Variants in CSMD1 observed in about 807,000 individuals in gnomAD.
The protein encoded by CSMD1 is CUB and Sushi multiple domains 1.
CSMD1 carries 213 observed loss-of-function variants against 417.5 expected under a neutral mutation model. The ratio of observed to expected loss-of-function variants is 0.51; its 90% CI spans 0.46 to 0.57. The LOEUF is 0.57. Among genes scored for constraint, CSMD1 ranks in the 20% least tolerant of loss-of-function variants. CSMD1 has a pLI of 0.00. For synonymous variants in CSMD1, 2,862 were observed against 1,736.8 expected (o/e 1.65, Z -16.11); for missense variants, 6,923 against 4,529.7 (o/e 1.53, Z -15.17).
intron 51 of CSMD1, among the ~76,000 whole-genome samples, chr8:3,019,142 T>A (rs926157977): frequency 1.3e-5 from 2 of 152,196 alleles, no homozygotes; most frequent in African/African-American, 4.8e-5. Context: ...GATCTCAAAC[T>A]CCTGACCTCA....
intron 4 of CSMD1, among the ~76,000 whole-genome samples, chr8:4,022,401 T>G (rs1326923351): frequency 6.6e-6 from 1 of 152,086 alleles, no homozygotes; most frequent in Non-Finnish European, 1.5e-5. Context: ...AGGACATATT[T>G]TCTATGTACA....
intron 3 of CSMD1, among the ~76,000 whole-genome samples, chr8:4,321,468 T>C (rs559617115): frequency 2.0e-4 from 31 of 152,256 alleles, no homozygotes; most frequent in African/African-American, 7.5e-4. Context: ...ACTCTCTTAA[T>C]TCCTCAGTGA....
intron 1 of CSMD1, among the ~76,000 whole-genome samples, chr8:4,915,776 A>C (rs781394498): frequency 3.9e-5 from 6 of 152,258 alleles, no homozygotes; most frequent in Non-Finnish European, 7.3e-5. Context: ...TCAAACTTTT[A>C]GCAGAGACAC....
intron 5 of CSMD1, among the ~76,000 whole-genome samples, chr8:3,785,331 CG>C (rs1422322734): frequency 6.6e-6 from 1 of 151,972 alleles, no homozygotes; most frequent in Non-Finnish European, 1.5e-5. Flanking sequence ...ATAAATGCCC[CG>C]GGCAAGGCCT....
chr8:3,011,700 C>T lies in CSMD1; in HGVS notation c.8029+6777G>A, dbSNP rs143887738. Among the ~76,000 whole-genome samples, 1,502 of 152,288 alleles carry T rather than the reference C, an allele frequency of 9.9e-3. 12 individuals are homozygous for T. Among genetic ancestry groups the T allele is most frequent in the Non-Finnish European group, 0.014 (966 of 68,022 alleles). On this transcript the variant is annotated intron_variant, in intron 52 of 69. Coordinates refer to ENST00000635120, the MANE Select transcript of CSMD1 (RefSeq NM_033225.6). The stretch of plus-strand genomic sequence containing the variant: ...CAAGCTACCACTAATATCTTGAATA[C>T]TAGAGATTGAAGAGGTAACATAGTG...
intron 7 of CSMD1, among the ~76,000 whole-genome samples, chr8:3,705,478 G>A (rs1380422004): frequency 2.6e-5 from 4 of 152,170 alleles, no homozygotes; most frequent in African/African-American, 9.7e-5. Flanking sequence ...ACACTCTACA[G>A]TGAACAGATA....
At chr8:4,803,361 A>G (rs1395935963) in intron 1 of CSMD1, among the ~76,000 whole-genome samples, 1 of 152,208 alleles carries the variant, frequency 6.6e-6, no homozygotes, top group African/African-American at 2.4e-5. Context: ...GGTTTCAGTT[A>G]CTATTAACTA....
In CSMD1 at chr8:3,219,246, T is replaced by C. The variant is rs1798064273; in HGVS notation, c.4672+9A>G. 2 of 1,578,810 alleles carry C rather than the reference T, an allele frequency of 1.3e-6. No homozygotes were observed. Among genetic ancestry groups the C allele is most frequent in the Non-Finnish European group, 1.7e-6 (2 of 1,161,134 alleles). On this transcript the variant is annotated intron_variant, in intron 29 of 69. Transcript: ENST00000635120. ...TTAATTCCCACTCAAATTCAGGCAA[T>C]CGCAATACCTTTAAATTCAATGGCG...
Position 2,973,660 on chromosome 8 carries a change from TGGG to T in CSMD1, c.8741-364_8741-362del, listed in dbSNP as rs66521104. 2.0e-3 allele frequency among the ~76,000 whole-genome samples: 275 copies of T among 134,478 alleles called. 1 individual carries two copies. Among genetic ancestry groups the T allele is most frequent in the African/African-American group, 7.4e-3 (263 of 35,706 alleles). The allele number at this position is 134,478 out of a possible 152,430, so 88.2% of individuals were successfully genotyped here. ...TGGGGCTTTAGGTAAACAGGGAATG[TGGG>T]GAAAAAAAAAAAAAAAGTCAAAGGA... On this transcript the variant is annotated intron_variant, in intron 56 of 69. Coordinates refer to ENST00000635120, the MANE Select transcript of CSMD1 (RefSeq NM_033225.6).
chr8:3,070,571 G>A (rs1813265977), intron 49 of CSMD1, among the ~76,000 whole-genome samples: 1 of 152,150 alleles, frequency 6.6e-6, no homozygotes, highest in South Asian at 2.1e-4. Flanking sequence ...TCTTCACTAA[G>A]GCATAACACA....
intron 41 of CSMD1, among the ~76,000 whole-genome samples, chr8:3,132,086 A>C (rs1404274048): frequency 1.3e-5 from 2 of 152,162 alleles, no homozygotes; most frequent in Non-Finnish European, 2.9e-5. Flanking sequence ...CGTGGCCTCC[A>C]GGTTCTGCTC....
chr8:3,276,758 G>T (rs770967593), intron 26 of CSMD1, among the ~76,000 whole-genome samples: 1 of 152,096 alleles, frequency 6.6e-6, no homozygotes, highest in Non-Finnish European at 1.5e-5. Flanking sequence ...AGATGAAGAG[G>T]TATTCATTAT....
intron 3 of CSMD1, among the ~76,000 whole-genome samples, chr8:4,182,689 A>G (rs1415409607): frequency 1.3e-5 from 2 of 152,178 alleles, no homozygotes; most frequent in Non-Finnish European, 2.9e-5. Context: ...ATGCCCGATT[A>G]ATTTGAAGCT....
At chr8:4,184,475 T>C (rs967677942) in intron 3 of CSMD1, among the ~76,000 whole-genome samples, 1 of 152,140 alleles carries the variant, frequency 6.6e-6, no homozygotes, top group African/African-American at 2.4e-5. Context: ...AGGCCACCAA[T>C]GGCAGACTGG....
intron 3 of CSMD1, among the ~76,000 whole-genome samples, chr8:4,312,690 A>C (rs1169631996): frequency 6.6e-6 from 1 of 151,878 alleles, no homozygotes; most frequent in African/African-American, 2.4e-5. Context: ...CAGCCTGGCC[A>C]ACCTGACGAA....
rs192155319 is a variant in CSMD1 at position 4,601,794 on chromosome 8, A to C, written c.302+35548T>G. Among the ~76,000 whole-genome samples, 5 of 152,276 alleles carry C rather than the reference A, an allele frequency of 3.3e-5. No individual in the cohort carries two copies. The East Asian group carries it at 7.7e-4, about 24-fold the overall frequency. The stretch of plus-strand genomic sequence containing the variant: ...ACTTTGACCAAATGAAAAGTGAGTA[A>C]ACTTGATTTATCCATGTCTGAGCAT... On this transcript the variant is annotated intron_variant, in intron 2 of 69. Coordinates refer to ENST00000635120, the MANE Select transcript of CSMD1 (RefSeq NM_033225.6).
chr8:4,954,198 T>C (rs1208214883), intron 1 of CSMD1, among the ~76,000 whole-genome samples: 1 of 152,214 alleles, frequency 6.6e-6, no homozygotes. Flanking sequence ...AAACACATTA[T>C]GTGTTCCCTA....
intron 5 of CSMD1, among the ~76,000 whole-genome samples, chr8:3,827,895 C>T (rs1454799626): frequency 6.6e-6 from 1 of 152,174 alleles, no homozygotes; most frequent in African/African-American, 2.4e-5. Flanking sequence ...CATGGGCTCA[C>T]TCAAAGGAAA....
intron 3 of CSMD1, among the ~76,000 whole-genome samples, chr8:4,309,931 A>G (rs67626815): frequency 0.63 from 96,288 of 152,068 alleles, 31,473 homozygotes; most frequent in East Asian, 0.86. Context: ...CTCATTAGAA[A>G]CATGATAGTC....
Sources: allele counts gnomAD v4.1 joint callset (sites outside exome capture counted in the v4.1 genomes callset), GRCh38; gene constraint gnomAD v4.1.1; transcripts MANE v1.5; gene names NCBI Gene and HGNC (gene_info 2026-07-23, HGNC 2026-07-21).